The following ZBTB8B variants were observed in gnomAD, a reference collection of about 807,000 sequenced individuals.
The protein encoded by ZBTB8B is zinc finger and BTB domain containing 8B, also known as zinc finger and BTB domain-containing protein 8B.
Under a neutral mutation model 30.3 loss-of-function variants are expected in ZBTB8B, and 17 were observed. That is an observed-to-expected ratio of 0.56 (90% CI 0.38 to 0.84). The LOEUF is 0.84. Among genes scored for constraint, ZBTB8B ranks in the 40% least tolerant of loss-of-function variants. ZBTB8B has a pLI of 0.00. For missense variants in ZBTB8B, 515 were observed against 644.9 expected, an observed-to-expected ratio of 0.80 and a Z score of 2.18; for synonymous variants, 248 against 255.6, an observed-to-expected ratio of 0.97 and a Z score of 0.28.
chr1:32,490,283 T>C lies in ZBTB8B; in HGVS notation c.*4865T>C, dbSNP rs2148188838. The C allele has an allele frequency of 6.6e-6, 1 of 152,424 alleles. No individual in the cohort carries two copies. Among genetic ancestry groups the C allele is most frequent in the East Asian group, 1.9e-4 (1 of 5,184 alleles). 9.4% of individuals were successfully genotyped at this position (152,424 alleles called of 1,614,324 possible). A position where few individuals can be genotyped will look rare whatever the true frequency, so the allele number is the denominator to read the frequency against. Reference sequence around the variant, plus strand: ...TCTGTTTTGAGCATTCCCACTGTGCTTCCTGTTGTTGCTGGTCTCTTGTAG... The same window carrying C: ...TCTGTTTTGAGCATTCCCACTGTGCCTCCTGTTGTTGCTGGTCTCTTGTAG... On this transcript the variant is annotated 3_prime_UTR_variant, in exon 4 of 4. Transcript: ENST00000609129.
At chr1:32,483,490 A>G (rs1325493835) in intron 3 of ZBTB8B, among the ~76,000 whole-genome samples, 1 of 151,900 alleles carries the variant, frequency 6.6e-6, no homozygotes, top group Non-Finnish European at 1.5e-5. Flanking sequence ...GGCACATCTG[A>G]GGAATGTAGC....
intron 1 of ZBTB8B, among the ~76,000 whole-genome samples, chr1:32,466,682 A>G (rs1388362097): frequency 6.6e-6 from 1 of 152,162 alleles, no homozygotes; most frequent in Admixed American, 6.5e-5. Flanking sequence ...AATAGAATAA[A>G]AAATAATTTC....
chr1:32,472,991 G>A (rs561841556), intron 2 of ZBTB8B, among the ~76,000 whole-genome samples: 61 of 152,294 alleles, frequency 4.0e-4, no homozygotes, highest in South Asian at 1.2e-3. Context: ...GGGCTTTTGC[G>A]TTTTAAGAGA....
At position 32,489,979 on chromosome 1, in the gene ZBTB8B, T is replaced by C. The variant is rs1352279501; in HGVS notation, c.*4561T>C. The C allele has an allele frequency of 6.6e-6, 1 of 152,168 alleles. No homozygotes were observed. The highest frequency in any genetic ancestry group is 2.4e-5 in the African/African-American group (1 of 41,430). 9.4% of individuals were successfully genotyped at this position (152,168 alleles called of 1,614,324 possible). ...TTATGGAATTGAGTATTCTGGTGGT[T>C]TGGAATACTGAGATGGGTTTTTTTT... On this transcript the variant is annotated 3_prime_UTR_variant, in exon 4 of 4. Coordinates refer to ENST00000609129, the MANE Select transcript of ZBTB8B (RefSeq NM_001145720.2).
chr1:32,467,474 G>A (rs939678941), intron 1 of ZBTB8B, among the ~76,000 whole-genome samples: 5 of 151,922 alleles, frequency 3.3e-5, no homozygotes, highest in African/African-American at 1.2e-4. Flanking sequence ...GGCTGGTCTC[G>A]AACTCCTGAC....
At position 32,479,896 on chromosome 1, in the gene ZBTB8B, G is replaced by T. The variant is rs573074811; in HGVS notation, c.992-995G>T. ...TTAAGTGAATTCCTGGATATTTGAT[G>T]ATTTCAGATATATAGAGTTAATATA... On this transcript the variant is annotated intron_variant, in intron 2 of 3. Coordinates refer to ENST00000609129, the MANE Select transcript of ZBTB8B (RefSeq NM_001145720.2). Among the ~76,000 whole-genome samples the T allele has an allele frequency of 1.8e-4, 28 of 152,312 alleles. No individual in the cohort carries two copies. In the South Asian group the frequency reaches 4.3e-3, roughly 24 times the overall value.
rs546125663 is a variant in ZBTB8B, at chr1:32,495,566, A to G, written c.*10148A>G. 2 of 152,302 alleles carry G rather than the reference A, an allele frequency of 1.3e-5. No homozygotes were observed. Among genetic ancestry groups the G allele is most frequent in the African/African-American group, 4.8e-5 (2 of 41,578 alleles). 9.4% of individuals were successfully genotyped at this position (152,302 alleles called of 1,614,324 possible). ...GTTTAGAATAGGAGTGGCCTCAACA[A>G]AGGAAAAAGTCCTTTGTTCCTCTGT... On this transcript the variant is annotated 3_prime_UTR_variant, in exon 4 of 4. Coordinates refer to ENST00000609129, the MANE Select transcript of ZBTB8B (RefSeq NM_001145720.2).
chr1:32,480,563 C>T (rs566735230), intron 2 of ZBTB8B, among the ~76,000 whole-genome samples: 2 of 152,260 alleles, frequency 1.3e-5, no homozygotes, highest in South Asian at 4.1e-4. Context: ...TTTTGGGAAA[C>T]TTTTCCAGTT....
chr1:32,483,642 T>C (rs1643723887), intron 3 of ZBTB8B, among the ~76,000 whole-genome samples: 1 of 151,970 alleles, frequency 6.6e-6, no homozygotes, highest in South Asian at 2.1e-4. Context: ...TGTGTATACA[T>C]ATGTAACAAA....
chr1:32,481,066 G>A lies in ZBTB8B; in HGVS notation c.1167G>A (p.Leu389=). The A allele has an allele frequency of 6.5e-7, 1 of 1,548,792 alleles. No individual in the cohort carries two copies. The highest frequency in any genetic ancestry group is 8.7e-7 in the Non-Finnish European group (1 of 1,145,014). The change falls in exon 3 of 4, where the codon CTG becomes CTA. Residue 389 remains leucine (L), a synonymous_variant. Transcript: ENST00000609129. The stretch of plus-strand genomic sequence containing the variant: ...AAGAGCACCTGCGGAGCCACGCACT[G>A]AGTGTAAGTGTTCGAGCTGGCCATG... ...TRQEHLRSHA[L]SVHRSNRPII...
intron 2 of ZBTB8B, among the ~76,000 whole-genome samples, chr1:32,471,974 CACCATCATCATT>C (rs1450570848): frequency 7.2e-6 from 1 of 139,832 alleles, no homozygotes; most frequent in African/African-American, 2.5e-5. Context: ...TCTCCAGTAT[CACCATCATCATT>C]ACCATCATCA....
Position 32,480,955 on chromosome 1 carries a change from G to C in ZBTB8B, c.1056G>C (p.Gln352His), listed in dbSNP as rs1643699745. The C allele has an allele frequency of 1.3e-6, 2 of 1,552,212 alleles. No individual in the cohort carries two copies. The highest frequency in any genetic ancestry group is 1.2e-5 in the South Asian group (1 of 84,058). Residue 352 changes from glutamine (Q) to histidine (H), a missense_variant, in exon 3 of 4, where the codon CAG becomes CAC. By Grantham distance (24) the Gln-to-His change is conservative. Coordinates refer to ENST00000609129, the MANE Select transcript of ZBTB8B (RefSeq NM_001145720.2). ...CTTTCTGCCCTTACACTGCCAAACAGAAGGGCATCCTCAAGCGGCACATCC... is the reference window on the plus strand; with the variant it reads ...CTTTCTGCCCTTACACTGCCAAACACAAGGGCATCCTCAAGCGGCACATCC... The part of the protein sequence containing the change: ...KCPFCPYTAK[Q>H]KGILKRHIRS...
chr1:32,472,990 C>T (rs1003494274), intron 2 of ZBTB8B, among the ~76,000 whole-genome samples: 12 of 152,168 alleles, frequency 7.9e-5, no homozygotes, highest in African/African-American at 2.2e-4. Context: ...TGGGCTTTTG[C>T]GTTTTAAGAG....
intron 2 of ZBTB8B, among the ~76,000 whole-genome samples, chr1:32,479,735 G>A (rs1034203022): frequency 1.6e-4 from 25 of 152,174 alleles, no homozygotes; most frequent in African/African-American, 5.5e-4. Context: ...ATTCCCAGTG[G>A]GTACCAAGGG....
At chr1:32,481,765 C>G (rs894062892) in intron 3 of ZBTB8B, among the ~76,000 whole-genome samples, 4 of 152,162 alleles carry the variant, frequency 2.6e-5, no homozygotes, top group Non-Finnish European at 5.9e-5. Context: ...TCCCACCTCC[C>G]ACCCTCCGGT....
intron 3 of ZBTB8B, among the ~76,000 whole-genome samples, chr1:32,482,670 A>C (rs1643714581): frequency 1.7e-5 from 2 of 117,960 alleles, no homozygotes; most frequent in African/African-American, 3.6e-5. Context: ...ACTCCGTGTC[A>C]AAAAAAAAAA....
At chr1:32,481,891 G>A (rs1356796687) in intron 3 of ZBTB8B, among the ~76,000 whole-genome samples, 2 of 152,122 alleles carry the variant, frequency 1.3e-5, no homozygotes, top group Non-Finnish European at 2.9e-5. Flanking sequence ...AGTTTGCTGA[G>A]GATAATAGCC....
Position 32,471,426 on chromosome 1 carries a change from G to A in ZBTB8B, c.802G>A (p.Val268Ile). 6.4e-7 allele frequency: 1 copy of A among 1,551,822 alleles called. No homozygotes were observed. The highest frequency in any genetic ancestry group is 8.7e-7 in the Non-Finnish European group (1 of 1,147,020). The change falls in exon 2 of 4, where the codon GTT (valine) becomes ATT (isoleucine). Residue 268 changes from valine (V) to isoleucine (I), a missense_variant. Physicochemically the swap from Val to Ile is conservative, Grantham distance 29. Coordinates refer to ENST00000609129, the MANE Select transcript of ZBTB8B (RefSeq NM_001145720.2). The part of the protein sequence containing the change: ...VEEALPSGQA[V>I]DLAYSNYHVK... Reference sequence around the variant, plus strand: ...GGAGGCCTTGCCAAGCGGCCAGGCGGTTGACTTGGCTTACAGCAACTACCA... The same window carrying A: ...GGAGGCCTTGCCAAGCGGCCAGGCGATTGACTTGGCTTACAGCAACTACCA...
chr1:32,475,958 C>T (rs1170607571), intron 2 of ZBTB8B, among the ~76,000 whole-genome samples: 5 of 151,012 alleles, frequency 3.3e-5, no homozygotes, highest in Non-Finnish European at 1.5e-5. Context: ...GCTGGAATTA[C>T]CGGCGGGCAT....
Sources: allele counts gnomAD v4.1 joint callset (sites outside exome capture counted in the v4.1 genomes callset), GRCh38; gene constraint gnomAD v4.1.1; transcripts MANE v1.5; gene names NCBI Gene and HGNC (gene_info 2026-07-23, HGNC 2026-07-21).